Variants in CLTCL1 observed in about 807,000 individuals in gnomAD.
CLTCL1 encodes clathrin heavy chain like 1.
CLTCL1 carries 159 observed loss-of-function variants against 190.0 expected under a neutral mutation model. That is an observed-to-expected ratio of 0.84 (90% CI 0.74 to 0.95). The LOEUF is 0.95. CLTCL1 is among the 40% of genes least tolerant of loss of function. CLTCL1 has a pLI of 0.00. For missense variants in CLTCL1, 1,878 were observed against 2,033.4 expected (o/e 0.92, Z 1.47); for synonymous variants, 752 against 769.6 (o/e 0.98, Z 0.38).
intron 22 of CLTCL1, among the ~76,000 whole-genome samples, chr22:19,206,199 T>G (rs1555942634): frequency 1.3e-5 from 2 of 152,066 alleles, no homozygotes; most frequent in South Asian, 2.1e-4. Context: ...GTGCTGAGAT[T>G]ACAGGCCCTT....
intron 3 of CLTCL1, among the ~76,000 whole-genome samples, chr22:19,249,125 G>A (rs1406750998): frequency 3.3e-5 from 5 of 152,276 alleles, no homozygotes; most frequent in Middle Eastern, 3.4e-3. Context: ...CTGGGAGGCC[G>A]AAGCGGGCGG....
In CLTCL1 at chr22:19,221,871, A is replaced by C. The variant is rs548123400; in HGVS notation, c.2561+80T>G. ...TACATGAACGACCAGCTATAGAGACAGTCCTGGAGAATTAGACAGAAACAA... is the reference window on the plus strand; with the variant it reads ...TACATGAACGACCAGCTATAGAGACCGTCCTGGAGAATTAGACAGAAACAA... On this transcript the variant is annotated intron_variant, in intron 16 of 32. Transcript: ENST00000427926. The C allele has an allele frequency of 1.6e-4, 246 of 1,494,226 alleles. No individual in the cohort carries two copies. The African/African-American group carries it at 3.1e-3, about 19-fold the overall frequency. The allele number at this position is 1,494,226 out of a possible 1,614,324, so 92.6% of individuals were successfully genotyped here.
chr22:19,213,798 G>T (rs373115588), intron 19 of CLTCL1, among the ~76,000 whole-genome samples: 2 of 151,918 alleles, frequency 1.3e-5, no homozygotes, highest in African/African-American at 4.8e-5. Context: ...TAATATACAC[G>T]GTAGCTAGCA....
At position 19,210,462 on chromosome 22, in the gene CLTCL1, G is replaced by A. The variant is rs781821888; in HGVS notation, c.3113C>T (p.Thr1038Ile). ...LILTAIKADR[T>I]RVMEYISRLD... The stretch of plus-strand genomic sequence containing the variant: ...GCGGCTGATGTACTCCATGACCCGT[G>A]TGCGGTCTGCCTTGATGGCAGTCAG... The change falls in exon 20 of 33, where the codon ACA (threonine) becomes ATA (isoleucine). Residue 1038 changes from threonine (T) to isoleucine (I), a missense_variant. Coordinates refer to ENST00000427926, the MANE Select transcript of CLTCL1 (RefSeq NM_007098.4). 2 of 1,614,020 alleles carry A rather than the reference G, an allele frequency of 1.2e-6. No homozygotes were observed. Among genetic ancestry groups the A allele is most frequent in the African/African-American group, 2.7e-5 (2 of 75,060 alleles).
chr22:19,251,842 G>C (rs192931836), intron 3 of CLTCL1, among the ~76,000 whole-genome samples: 16 of 152,358 alleles, frequency 1.1e-4, no homozygotes, highest in Admixed American at 2.0e-4. Context: ...AGCAAGAGAA[G>C]ACATCCTTGT....
At chr22:19,192,940 C>T (rs1369793830) in intron 26 of CLTCL1, among the ~76,000 whole-genome samples, 1 of 152,206 alleles carries the variant, frequency 6.6e-6, no homozygotes, top group Non-Finnish European at 1.5e-5. Flanking sequence ...AGCAGCAGGG[C>T]CAGGACATGG....
At chr22:19,212,599 G>GAAGAAAGAAAA (rs2085264748) in intron 19 of CLTCL1, among the ~76,000 whole-genome samples, 1 of 142,010 alleles carries the variant, frequency 7.0e-6, no homozygotes, top group Non-Finnish European at 1.5e-5. Flanking sequence ...AAGAAAGAAA[G>GAAGAAAGAAAA]AAAGGAAGGA....
At chr22:19,222,222 A>G in intron 15 of CLTCL1, 129 bp from the exon 16 acceptor site, 1 of 863,516 alleles carries the variant, frequency 1.2e-6, no homozygotes, top group Non-Finnish European at 1.8e-6. Flanking sequence ...GTGTCCCACC[A>G]AAATTCACCT....
chr22:19,257,012 G>A (rs1237126441), intron 2 of CLTCL1, among the ~76,000 whole-genome samples: 3 of 152,130 alleles, frequency 2.0e-5, no homozygotes, highest in African/African-American at 7.2e-5. Flanking sequence ...TCTAGAAACA[G>A]CTGCATGCAC....
Position 19,235,865 on chromosome 22 carries a change from C to G in CLTCL1, c.800G>C (p.Gly267Ala). ...QNDFPVAMQIGAKHGVIYLIT... is the reference protein window; with the variant it reads ...QNDFPVAMQIAAKHGVIYLIT... ...CAAGTAAATAACACCATGTTTAGCT[C>G]CAATCTATAAGAAGACAGAGAGCAA... The change falls in exon 6 of 33, where the codon GGA becomes GCA. Residue 267 changes from glycine to alanine, a missense_variant. By Grantham distance (60) the Gly-to-Ala change is moderately conservative. Coordinates refer to ENST00000427926, the MANE Select transcript of CLTCL1 (RefSeq NM_007098.4). 2 of 1,612,860 alleles carry G rather than the reference C, an allele frequency of 1.2e-6. No individual in the cohort carries two copies. The highest frequency in any genetic ancestry group is 1.7e-6 in the Non-Finnish European group (2 of 1,179,480).
chr22:19,244,262 G>T (rs145122307), intron 3 of CLTCL1, among the ~76,000 whole-genome samples: 3 of 152,202 alleles, frequency 2.0e-5, no homozygotes, highest in African/African-American at 4.8e-5. Flanking sequence ...TTCTGTTAAC[G>T]TTATTAAGCA....
At position 19,191,368 on chromosome 22, in the gene CLTCL1, T is replaced by A. The variant is rs376828114; in HGVS notation, c.4259A>T (p.Asn1420Ile). 11 of 1,613,976 alleles carry A rather than the reference T, an allele frequency of 6.8e-6. No individual in the cohort carries two copies. Among genetic ancestry groups the A allele is most frequent in the Non-Finnish European group, 9.3e-6 (11 of 1,179,876 alleles). ...GGGTGAAAGCACCAGCAGCAGGTCA[T>A]TGATGAGCAGTGGTTTGTAATCCAA... is the stretch of plus-strand genomic sequence containing the variant. Reference protein sequence around the residue: ...FYLDYKPLLINDLLLVLSPRL... With the variant: ...FYLDYKPLLIIDLLLVLSPRL... Residue 1420 changes from asparagine (N) to isoleucine (I), a missense_variant, in exon 27 of 33, where the codon AAT (asparagine) becomes ATT (isoleucine). Coordinates refer to ENST00000427926, the MANE Select transcript of CLTCL1 (RefSeq NM_007098.4).
At chr22:19,230,444 A>T (rs1313015758) in intron 10 of CLTCL1, among the ~76,000 whole-genome samples, 1 of 152,044 alleles carries the variant, frequency 6.6e-6, no homozygotes, top group Non-Finnish European at 1.5e-5. Context: ...ACATACAGCC[A>T]GGTGTGGTGG....
intron 6 of CLTCL1, 150 bp downstream of exon 6, chr22:19,235,546 G>T: frequency 1.4e-6 from 1 of 711,736 alleles, no homozygotes; most frequent in Non-Finnish European, 2.4e-6. Context: ...GAGAGGAAGT[G>T]TCAATATGAA....
At chr22:19,213,781 G>A (rs1228273452) in intron 19 of CLTCL1, among the ~76,000 whole-genome samples, 2 of 151,924 alleles carry the variant, frequency 1.3e-5, no homozygotes, top group African/African-American at 4.8e-5. Flanking sequence ...AGGTTTGGGG[G>A]AATGTATAAT....
chr22:19,186,773 G>T (rs1040403752), intron 29 of CLTCL1, among the ~76,000 whole-genome samples: 2 of 151,914 alleles, frequency 1.3e-5, no homozygotes, highest in Non-Finnish European at 1.5e-5. Flanking sequence ...GCTAACTTTT[G>T]TATTTTCAGT....
intron 19 of CLTCL1, 47 bp downstream of exon 19, chr22:19,216,064 T>C (rs1555949244): frequency 6.3e-7 from 1 of 1,588,628 alleles, no homozygotes; most frequent in Non-Finnish European, 8.6e-7. Context: ...ATCAAGCAGA[T>C]GTTTTGAATC....
At chr22:19,259,702 T>C (rs532338454) in intron 2 of CLTCL1, among the ~76,000 whole-genome samples, 1 of 152,308 alleles carries the variant, frequency 6.6e-6, no homozygotes, top group East Asian at 1.9e-4. Flanking sequence ...TAGTCCCTCT[T>C]CCTCTCTTCA....
chr22:19,189,140 T>C (rs1210970180), intron 27 of CLTCL1, among the ~76,000 whole-genome samples: 1 of 152,108 alleles, frequency 6.6e-6, no homozygotes, highest in Non-Finnish European at 1.5e-5. Flanking sequence ...CCTGACCTCA[T>C]GATCCACACG....
Sources: gnomAD v4.1 joint callset for allele counts (sites outside exome capture counted in the v4.1 genomes callset) on GRCh38, gnomAD v4.1.1 for gene constraint, MANE v1.5 for transcripts, NCBI Gene and HGNC (gene_info 2026-07-23, HGNC 2026-07-21) for gene names.